Variants in PIGN observed in about 807,000 individuals in gnomAD.
PIGN encodes the protein phosphatidylinositol glycan anchor biosynthesis class N.
PIGN carries 117 observed loss-of-function variants against 125.4 expected under a neutral mutation model. The ratio of observed to expected loss-of-function variants is 0.93; its 90% CI spans 0.80 to 1.09. The LOEUF is 1.09. Ranked by LOEUF, PIGN falls within the 50% of genes least tolerant of loss-of-function variation. PIGN has a pLI of 0.00. For missense variants in PIGN, 1,075 were observed against 1,094.9 expected (o/e 0.98, Z 0.26); for synonymous variants, 392 against 377.8 (o/e 1.04, Z -0.44).
downstream of PIGN, among the ~76,000 whole-genome samples, chr18:62,039,774 G>GC (rs397808346): frequency 0.076 from 4,164 of 54,640 alleles, 477 homozygotes; most frequent in East Asian, 0.25. Context: ...CATGTTTAGG[G>GC]CCCATCCAGA....
intron 30 of PIGN, among the ~76,000 whole-genome samples, chr18:62,054,107 G>A (rs947244902): frequency 4.6e-5 from 7 of 152,130 alleles, no homozygotes; most frequent in South Asian, 4.1e-4. Flanking sequence ...AAGCGCAGAC[G>A]GGGAAGCAGA....
intron 30 of PIGN, among the ~76,000 whole-genome samples, chr18:62,069,216 T>A (rs755771128): frequency 6.6e-6 from 1 of 151,950 alleles, no homozygotes; most frequent in Non-Finnish European, 1.5e-5. Context: ...CAGGTAAAGA[T>A]AAACCTCAAG....
chr18:62,034,203 T>C (rs76150090), intron 23 of PIGN, among the ~76,000 whole-genome samples: 2,064 of 152,318 alleles, frequency 0.014, 82 homozygotes, highest in East Asian at 0.11. Context: ...AACCCATTGG[T>C]GAATGGCTAG....
chr18:62,107,220 C>A (rs563306774), intron 17 of PIGN, 135 bp from the exon 18 acceptor site: 6 of 637,838 alleles, frequency 9.4e-6, no homozygotes, highest in African/African-American at 1.8e-5. Flanking sequence ...TAAGCTCTAA[C>A]GGATTTGTTT....
At chr18:62,062,681 T>A (rs1018689875) in intron 30 of PIGN, among the ~76,000 whole-genome samples, 1 of 152,118 alleles carries the variant, frequency 6.6e-6, no homozygotes, top group East Asian at 1.9e-4. Flanking sequence ...ATAGCATATT[T>A]TACCCTGAAT....
chr18:62,147,141 G>A (rs2036364749), intron 8 of PIGN, 40 bp from the exon 9 acceptor site: 4 of 1,546,430 alleles, frequency 2.6e-6, no homozygotes, highest in East Asian at 4.6e-5. Context: ...AAATTAATTT[G>A]GAGAAATCAA....
At chr18:62,146,868 T>C in intron 9 of PIGN, 103 bp downstream of exon 9, 2 of 1,148,352 alleles carry the variant, frequency 1.7e-6, no homozygotes, top group East Asian at 2.6e-5. Context: ...AGACATTTTG[T>C]ATACAGCAAG....
chr18:62,184,105 T>A (rs1359236696), intron 1 of PIGN, among the ~76,000 whole-genome samples: 1 of 152,192 alleles, frequency 6.6e-6, no homozygotes, highest in East Asian at 1.9e-4. Flanking sequence ...AGTTATCTAG[T>A]TTATCTGTGG....
intron 15 of PIGN, among the ~76,000 whole-genome samples, chr18:62,113,621 C>T (rs1647798094): frequency 6.6e-6 from 1 of 151,838 alleles, no homozygotes; most frequent in Non-Finnish European, 1.5e-5. Flanking sequence ...GAAATGAAGG[C>T]TCTCTAATAT....
chr18:62,138,170 CACTCAGTGAAAAATTGCAA>C, intron 14 of PIGN, 54 bp downstream of exon 14: 1 of 1,522,718 alleles, frequency 6.6e-7, no homozygotes, highest in South Asian at 1.3e-5. Context: ...CTAATCCTAT[CACTCAGTGAAAAATTGCAA>C]ACTCAGTGGA....
chr18:62,082,570 T>C, intron 28 of PIGN, 103 bp downstream of exon 28: 1 of 622,012 alleles, frequency 1.6e-6, no homozygotes, highest in South Asian at 2.3e-5. Flanking sequence ...AAACAATCTA[T>C]GTTACAGTGT....
At chr18:62,086,915 AC>A (rs1160671840) in intron 25 of PIGN, among the ~76,000 whole-genome samples, 1 of 152,106 alleles carries the variant, frequency 6.6e-6, no homozygotes, top group Non-Finnish European at 1.5e-5. Context: ...TGTCTTGGGG[AC>A]TGGGAGTATG....
At chr18:62,124,298 CA>C (rs768642226) in intron 14 of PIGN, among the ~76,000 whole-genome samples, 1 of 151,998 alleles carries the variant, frequency 6.6e-6, no homozygotes, top group Admixed American at 6.6e-5. Context: ...GAATACTTAC[CA>C]AATTTCACTA....
At chr18:62,178,437 C>T (rs916181904) in intron 1 of PIGN, among the ~76,000 whole-genome samples, 2 of 151,870 alleles carry the variant, frequency 1.3e-5, no homozygotes, top group African/African-American at 4.8e-5. Context: ...GTGTTCTTAA[C>T]CACTTCAACA....
chr18:62,072,406 T>A (rs1257110537), intron 30 of PIGN: 5 of 269,922 alleles, frequency 1.9e-5, no homozygotes, highest in Non-Finnish European at 2.8e-5. Flanking sequence ...TACACTGAAT[T>A]TTTTACTATA....
intron 30 of PIGN, among the ~76,000 whole-genome samples, chr18:62,055,811 G>A (rs774805430): frequency 1.7e-4 from 26 of 151,692 alleles, no homozygotes; most frequent in Admixed American, 2.6e-4. Flanking sequence ...TAGGTTGCTG[G>A]CCTCTACCCT....
At chr18:62,157,560 G>C in intron 5 of PIGN, 127 bp downstream of exon 5, 2 of 865,828 alleles carry the variant, frequency 2.3e-6, no homozygotes, top group Non-Finnish European at 3.6e-6. Flanking sequence ...TGTCAGCAAA[G>C]CATGCTAAAA....
intron 23 of PIGN, among the ~76,000 whole-genome samples, chr18:62,027,335 G>T (rs879771711): frequency 5.3e-5 from 8 of 152,196 alleles, no homozygotes; most frequent in Admixed American, 4.6e-4. Flanking sequence ...AGTTTATTTT[G>T]TCAAGGTTGA....
At chr18:62,066,906 G>C (rs2032552279) in intron 30 of PIGN, among the ~76,000 whole-genome samples, 1 of 152,322 alleles carries the variant, frequency 6.6e-6, no homozygotes, top group East Asian at 1.9e-4. Context: ...AGGGAGGTGT[G>C]AGAGTATTCC....
Sources: gnomAD v4.1 joint callset for allele counts (sites outside exome capture counted in the v4.1 genomes callset) on GRCh38, gnomAD v4.1.1 for gene constraint, MANE v1.5 for transcripts, NCBI Gene and HGNC (gene_info 2026-07-23, HGNC 2026-07-21) for gene names.